KIF26B: variants seen among roughly 807,000 people sequenced by gnomAD.
KIF26B encodes the protein kinesin family member 26B.
A neutral mutation model predicts 151.2 loss-of-function variants in KIF26B; 63 were observed. The observed-to-expected ratio is 0.42, with a 90% CI of 0.34 to 0.51. The LOEUF (loss-of-function observed/expected upper bound fraction) is 0.51, where lower values mean the gene tolerates loss of function less well. Among genes scored for constraint, KIF26B ranks in the 20% least tolerant of loss-of-function variants. KIF26B has a pLI of 0.07. For missense variants in KIF26B, 2,813 were observed against 2,913.6 expected, an observed-to-expected ratio of 0.97 and a Z score of 0.79; for synonymous variants, 1,357 against 1,262.1, an observed-to-expected ratio of 1.08 and a Z score of -1.59.
At chr1:245,317,513 G>T (rs141958586) in intron 2 of KIF26B, among the ~76,000 whole-genome samples, 205 of 152,368 alleles carry the variant, frequency 1.3e-3, no homozygotes, top group African/African-American at 4.8e-3. Context: ...AAAAGAAACT[G>T]AATGGAGCCT....
rs546764240 is a variant in KIF26B, at chr1:245,399,741, C to T, written c.1000-19838C>T. Reference sequence around the variant, plus strand: ...AAAGGGTATGTTCAGCAATTCTGGTCCCTGCCCTCCAGAAAAACTTGCTTA... The same window carrying T: ...AAAGGGTATGTTCAGCAATTCTGGTTCCTGCCCTCCAGAAAAACTTGCTTA... On this transcript the variant is annotated intron_variant, in intron 3 of 14. Coordinates refer to ENST00000407071, the MANE Select transcript of KIF26B (RefSeq NM_018012.4). Among the ~76,000 whole-genome samples the T allele has an allele frequency of 3.4e-4, 52 of 152,254 alleles. 1 individual carries two copies. In the Middle Eastern group the frequency reaches 0.014, roughly 40 times the overall value.
intron 2 of KIF26B, among the ~76,000 whole-genome samples, chr1:245,164,558 G>A (rs1446852044): frequency 6.6e-6 from 1 of 152,236 alleles, no homozygotes; most frequent in Non-Finnish European, 1.5e-5. Context: ...GAAACGGCAG[G>A]CATAGGCCAG....
At chr1:245,310,583 C>G (rs898855521) in intron 2 of KIF26B, among the ~76,000 whole-genome samples, 1 of 152,226 alleles carries the variant, frequency 6.6e-6, no homozygotes, top group Admixed American at 6.5e-5. Flanking sequence ...CTTCCCTTTA[C>G]TCTCAGCGGT....
At chr1:245,644,188 TC>T (rs2103183740) in intron 9 of KIF26B, among the ~76,000 whole-genome samples, 1 of 152,250 alleles carries the variant, frequency 6.6e-6, no homozygotes, top group Admixed American at 6.5e-5. Flanking sequence ...TTGTTTTTTT[TC>T]CCTATATATT....
intron 2 of KIF26B, among the ~76,000 whole-genome samples, chr1:245,341,821 G>C (rs760866145): frequency 2.0e-5 from 3 of 152,130 alleles, no homozygotes; most frequent in Admixed American, 6.5e-5. Flanking sequence ...TCACCAGTTG[G>C]GGCAGAGCTC....
chr1:245,642,631 C>T (rs1572174965), intron 9 of KIF26B, among the ~76,000 whole-genome samples: 1 of 149,800 alleles, frequency 6.7e-6, no homozygotes, highest in Non-Finnish European at 1.5e-5. Context: ...AATGGGCATG[C>T]ATCTTCTAGT....
chr1:245,464,562 T>G (rs1244755599), intron 4 of KIF26B, among the ~76,000 whole-genome samples: 2 of 142,810 alleles, frequency 1.4e-5, no homozygotes, highest in African/African-American at 5.5e-5. Context: ...TGTTCCTGTG[T>G]GGGTGTGTGG....
intron 2 of KIF26B, among the ~76,000 whole-genome samples, chr1:245,297,747 G>A (rs1241409040): frequency 2.6e-5 from 4 of 152,134 alleles, no homozygotes; most frequent in Non-Finnish European, 4.4e-5. Flanking sequence ...GTGGGACTAG[G>A]GTCAAATGAG....
At chr1:245,251,966 TA>T (rs745717065) in intron 2 of KIF26B, among the ~76,000 whole-genome samples, 1 of 152,156 alleles carries the variant, frequency 6.6e-6, no homozygotes, top group Non-Finnish European at 1.5e-5. Context: ...AAGGATAATT[TA>T]CATCTTTACA....
rs1186560103 is a variant in KIF26B at position 245,602,852 on chromosome 1, G to T, written c.1557+69G>T. The T allele has an allele frequency of 2.1e-6, 3 of 1,442,242 alleles. No homozygotes were observed. The highest frequency in any genetic ancestry group is 2.8e-5 in the African/African-American group (2 of 71,572). 89.3% of individuals were successfully genotyped at this position (1,442,242 alleles called of 1,614,324 possible). Reference sequence around the variant, plus strand: ...GGGCAACGTTTACTCATTCACAAGGGCCCTTGAGCTGGGAGGGTGTCTTCT... The same window carrying T: ...GGGCAACGTTTACTCATTCACAAGGTCCCTTGAGCTGGGAGGGTGTCTTCT... On this transcript the variant is annotated intron_variant, in intron 6 of 14. Transcript: ENST00000407071. The surrounding 1 kb of genome is among the most constrained non-coding windows in gnomAD (Gnocchi z 4.5).
chr1:245,471,562 T>G (rs1659914284), intron 4 of KIF26B, among the ~76,000 whole-genome samples: 1 of 152,180 alleles, frequency 6.6e-6, no homozygotes, highest in Non-Finnish European at 1.5e-5. Context: ...AATAGAAAAG[T>G]TTTATTTTAC....
In KIF26B at chr1:245,602,691, T is replaced by A; in HGVS notation, c.1465T>A (p.Cys489Ser). The change falls in exon 6 of 15, where the codon TGT (cysteine) becomes AGT (serine). Residue 489 changes from cysteine (C) to serine (S), a missense_variant. Cys to Ser is a moderately radical substitution (Grantham distance 112). Transcript: ENST00000407071. The surrounding 1 kb of genome is among the most constrained non-coding windows in gnomAD (Gnocchi z 4.5). ...GATCACCTTGTACGATCCCCTGACTTGTGGAGGTCAAAATGCCTTCCAAAA... is the reference window on the plus strand; with the variant it reads ...GATCACCTTGTACGATCCCCTGACTAGTGGAGGTCAAAATGCCTTCCAAAA... The part of the protein sequence containing the change: ...KQITLYDPLT[C>S]GGQNAFQKRG... 1 of 1,614,036 alleles carries A rather than the reference T, an allele frequency of 6.2e-7. No homozygotes were observed. Among genetic ancestry groups the A allele is most frequent in the East Asian group, 2.2e-5 (1 of 44,888 alleles).
intron 9 of KIF26B, among the ~76,000 whole-genome samples, chr1:245,619,160 A>T (rs1041017288): frequency 2.1e-5 from 3 of 139,924 alleles, no homozygotes; most frequent in African/African-American, 8.4e-5. Flanking sequence ...GCCCTATTAA[A>T]CTATGGGTTC....
intron 5 of KIF26B, among the ~76,000 whole-genome samples, chr1:245,570,410 T>A (rs1236387712): frequency 2.6e-5 from 4 of 152,212 alleles, no homozygotes; most frequent in Non-Finnish European, 4.4e-5. Flanking sequence ...GGCATCTGTC[T>A]TTTTCTCATC....
In KIF26B at chr1:245,702,458, T is replaced by G; in HGVS notation, c.6179T>G (p.Phe2060Cys). 6.2e-7 allele frequency: 1 copy of G among 1,613,914 alleles called. No individual in the cohort carries two copies. The highest frequency in any genetic ancestry group is 1.3e-5 in the African/African-American group (1 of 75,044). Reference protein sequence around the residue: ...MLDPNKWLSEFDLEQVWELDS... With the variant: ...MLDPNKWLSECDLEQVWELDS... ...CCATCAGGCTCTTCCTCTCTTGCAG[T>G]TGACTTGGAGCAGGTTTGGGAGCTG... The change falls in exon 15 of 15, where the codon TTT becomes TGT. Residue 2060 changes from phenylalanine (F) to cysteine (C), a missense_variant and splice_region_variant. Around this residue, in one of 3 missense-constraint regions of KIF26B, gnomAD observed 2,060 missense variants for 2,088.6 expected, o/e 0.99. Transcript: ENST00000407071. This position sits in a 1 kb window ranked among gnomAD's most constrained non-coding sequence, Gnocchi z 4.1.
intron 2 of KIF26B, among the ~76,000 whole-genome samples, chr1:245,212,677 CCTGAGCA>C (rs11278211): frequency 0.55 from 83,022 of 151,844 alleles, 25,497 homozygotes; most frequent in Non-Finnish European, 0.69. Context: ...AGAGCCAAAG[CCTGAGCA>C]CTTGGTGTAA....
At chr1:245,693,450 G>A (rs1160511929) in intron 12 of KIF26B, among the ~76,000 whole-genome samples, 1 of 152,138 alleles carries the variant, frequency 6.6e-6, no homozygotes, top group Non-Finnish European at 1.5e-5. Context: ...CTTGGTTGGC[G>A]GCACAGTCCT....
chr1:245,216,212 A>T (rs5017562), intron 2 of KIF26B: 1 of 95,796 alleles, frequency 1.0e-5, no homozygotes, highest in Non-Finnish European at 2.5e-5. Flanking sequence ...AAAAAAAAAA[A>T]ACACACACAC....
At position 245,702,380 on chromosome 1, in the gene KIF26B, A is replaced by C. The variant is rs2044783680; in HGVS notation, c.6179-78A>C. The C allele has an allele frequency of 6.5e-7, 1 of 1,527,868 alleles. No individual in the cohort carries two copies. The highest frequency in any genetic ancestry group is 1.4e-5 in the African/African-American group (1 of 73,080). The allele number at this position is 1,527,868 out of a possible 1,614,324, so 94.6% of individuals were successfully genotyped here. A position where few individuals can be genotyped will look rare whatever the true frequency, so the allele number is the denominator to read the frequency against. ...ACCAAGGGGTAGATGTGGGGGTGGCAGCTCCAGGCTGAGCCGTCGGGAGTT... is the reference window on the plus strand; with the variant it reads ...ACCAAGGGGTAGATGTGGGGGTGGCCGCTCCAGGCTGAGCCGTCGGGAGTT... On this transcript the variant is annotated intron_variant, in intron 14 of 14. Coordinates refer to ENST00000407071, the MANE Select transcript of KIF26B (RefSeq NM_018012.4). The surrounding 1 kb of genome is among the most constrained non-coding windows in gnomAD (Gnocchi z 4.1).
Sources: gnomAD v4.1 joint callset for allele counts (sites outside exome capture counted in the v4.1 genomes callset) on GRCh38, gnomAD v4.1.1 for gene constraint, gnomAD v4.1.1 regional missense constraint, Gnocchi (gnomAD v3.1) non-coding constraint, MANE v1.5 for transcripts, NCBI Gene and HGNC (gene_info 2026-07-23, HGNC 2026-07-21) for gene names.